The following SNTB1 variants were observed in gnomAD, a reference collection of about 807,000 sequenced individuals.
SNTB1 encodes syntrophin beta 1.
Under a neutral mutation model 48.9 loss-of-function variants are expected in SNTB1, and 36 were observed. The ratio of observed to expected loss-of-function variants is 0.74; its 90% CI spans 0.56 to 0.97. SNTB1 has a LOEUF of 0.97. SNTB1 is among the 50% of genes least tolerant of loss of function. The pLI, the probability that SNTB1 is intolerant of heterozygous loss-of-function variation, is 0.00. For missense variants in SNTB1, 786 were observed against 703.4 expected (o/e 1.12, Z -1.33); for synonymous variants, 299 against 294.6 (o/e 1.01, Z -0.15).
chr8:120,775,132 A>G (rs1415440645), intron 1 of SNTB1: 1 of 152,202 alleles, frequency 6.6e-6, no homozygotes, highest in African/African-American at 2.4e-5. Context: ...TAAGAACAGG[A>G]TGAAACAGGA....
At chr8:120,549,027 A>T in intron 4 of SNTB1, 69 bp from the exon 5 acceptor site, 1 of 1,301,438 alleles carries the variant, frequency 7.7e-7, no homozygotes, top group Non-Finnish European at 1.1e-6. Context: ...ATCACCTTGT[A>T]TAAGACCCAA....
intron 1 of SNTB1, among the ~76,000 whole-genome samples, chr8:120,707,076 T>C (rs964088171): frequency 6.6e-6 from 1 of 152,202 alleles, no homozygotes; most frequent in African/African-American, 2.4e-5. Context: ...ATACCTCCTA[T>C]TTTGAAAGTG....
At chr8:120,808,975 T>C (rs796929805) in intron 1 of SNTB1, among the ~76,000 whole-genome samples, 36 of 152,296 alleles carry the variant, frequency 2.4e-4, no homozygotes, top group African/African-American at 8.7e-4. Context: ...ACAACCAGAT[T>C]ACATTTTCAA....
chr8:120,683,075 G>T (rs886474189), intron 2 of SNTB1, among the ~76,000 whole-genome samples: 7 of 151,890 alleles, frequency 4.6e-5, no homozygotes, highest in African/African-American at 1.2e-4. Flanking sequence ...TAGAGACGGG[G>T]TTTCACTGCG....
chr8:120,579,186 AAAC>A (rs1816001678), intron 3 of SNTB1, among the ~76,000 whole-genome samples: 2 of 57,330 alleles, frequency 3.5e-5, no homozygotes, highest in African/African-American at 9.3e-5. Context: ...CAAAACAAAC[AAAC>A]AAACAAACAA....
intron 3 of SNTB1, among the ~76,000 whole-genome samples, chr8:120,623,585 T>C (rs944241345): frequency 1.2e-4 from 19 of 152,200 alleles, no homozygotes; most frequent in Non-Finnish European, 2.5e-4. Flanking sequence ...GCGTGCAGTG[T>C]CCTTCTCCCA....
chr8:120,654,162 T>C (rs1431305770), intron 2 of SNTB1, among the ~76,000 whole-genome samples: 2 of 141,036 alleles, frequency 1.4e-5, no homozygotes, highest in South Asian at 2.5e-4. Flanking sequence ...GTAAGGAACA[T>C]ACATAAAGCA....
chr8:120,645,277 TA>T (rs1817271483), intron 2 of SNTB1, among the ~76,000 whole-genome samples: 1 of 151,924 alleles, frequency 6.6e-6, no homozygotes, highest in Admixed American at 6.6e-5. Context: ...GGTTTTCTTC[TA>T]GGGTTTTTAT....
intron 5 of SNTB1, among the ~76,000 whole-genome samples, chr8:120,544,764 G>A (rs1029042838): frequency 6.9e-6 from 1 of 145,964 alleles, no homozygotes; most frequent in Non-Finnish European, 1.5e-5. Flanking sequence ...GGTGGCTCAA[G>A]CTTCTTCCAA....
chr8:120,792,101 G>GCACA (rs35253518), intron 1 of SNTB1, among the ~76,000 whole-genome samples: 2 of 148,746 alleles, frequency 1.3e-5, no homozygotes, highest in Non-Finnish European at 3.0e-5. Flanking sequence ...TACTAAAGAA[G>GCACA]CACACACACA....
intron 1 of SNTB1, among the ~76,000 whole-genome samples, chr8:120,755,801 T>C (rs923940393): frequency 1.3e-5 from 2 of 152,146 alleles, no homozygotes; most frequent in African/African-American, 2.4e-5. Context: ...CTAATAGCTT[T>C]ACAGACATAA....
intron 3 of SNTB1, among the ~76,000 whole-genome samples, chr8:120,594,806 G>C (rs1017518653): frequency 6.6e-6 from 1 of 152,040 alleles, no homozygotes; most frequent in Non-Finnish European, 1.5e-5. Flanking sequence ...AAAAGTAAAG[G>C]CAAAAGAAGA....
At chr8:120,615,155 A>G (rs544587454) in intron 3 of SNTB1, among the ~76,000 whole-genome samples, 1 of 152,134 alleles carries the variant, frequency 6.6e-6, no homozygotes, top group South Asian at 2.1e-4. Flanking sequence ...ATCTCAAAAC[A>G]AAACAAAAAA....
At chr8:120,756,144 T>C (rs1480814953) in intron 1 of SNTB1, among the ~76,000 whole-genome samples, 2 of 152,216 alleles carry the variant, frequency 1.3e-5, no homozygotes, top group Non-Finnish European at 2.9e-5. Context: ...AGTCAATCTC[T>C]ACCCTTCTAC....
chr8:120,795,363 G>A (rs1820105785), intron 1 of SNTB1, among the ~76,000 whole-genome samples: 1 of 151,960 alleles, frequency 6.6e-6, no homozygotes, highest in Non-Finnish European at 1.5e-5. Flanking sequence ...GTATGTACCA[G>A]GGGACCTGGT....
intron 2 of SNTB1, among the ~76,000 whole-genome samples, chr8:120,677,062 T>TC (rs1266762927): frequency 1.8e-4 from 16 of 86,822 alleles, no homozygotes; most frequent in Non-Finnish European, 3.3e-4. Context: ...AGACCCTATC[T>TC]CAAAAAAAAA....
intron 6 of SNTB1, among the ~76,000 whole-genome samples, 178 bp from the exon 7 acceptor site, chr8:120,539,147 C>G (rs765691201): frequency 5.3e-5 from 8 of 152,160 alleles, no homozygotes; most frequent in Non-Finnish European, 1.2e-4. Context: ...TGAACTTATT[C>G]CTTACATCTC....
intron 4 of SNTB1, among the ~76,000 whole-genome samples, chr8:120,562,600 A>G (rs890264785): frequency 6.6e-6 from 1 of 152,196 alleles, no homozygotes; most frequent in Non-Finnish European, 1.5e-5. Context: ...GGCAATGCCC[A>G]TAGAATATGC....
At position 120,717,693 on chromosome 8, in the gene SNTB1, A is replaced by G. The variant is rs1818584352; in HGVS notation, c.572-23785T>C. ...CTGGCACAGATGGGAAATGGCCAAG[A>G]ATGATGTGCAGAGTGGAAGGCAGTC... On this transcript the variant is annotated intron_variant, in intron 1 of 6. Transcript: ENST00000517992. 2.6e-5 allele frequency among the ~76,000 whole-genome samples: 4 copies of G among 152,082 alleles called. No homozygotes were observed. In the South Asian group the frequency reaches 8.3e-4, roughly 32 times the overall value.
Sources: allele counts gnomAD v4.1 joint callset (sites outside exome capture counted in the v4.1 genomes callset), GRCh38; gene constraint gnomAD v4.1.1; transcripts MANE v1.5; gene names NCBI Gene and HGNC (gene_info 2026-07-23, HGNC 2026-07-21).